The following MTRFR variants were observed in gnomAD, a reference collection of about 807,000 sequenced individuals.
MTRFR encodes the protein probable peptide chain release factor C12orf65, mitochondrial.
In MTRFR, 10 loss-of-function variants were observed where a neutral mutation model predicts 11.9. That is an observed-to-expected ratio of 0.84 (90% confidence interval 0.52 to 1.42). MTRFR has a LOEUF of 1.42. MTRFR is among the 40% of genes most tolerant of loss of function. The probability of loss-of-function intolerance (pLI) is 0.00; values close to 1 mark genes in which losing one functional copy is unlikely to be tolerated. For synonymous variants in MTRFR, 77 were observed against 79.1 expected (o/e 0.97, Z 0.14); for missense variants, 196 against 197.9 (o/e 0.99, Z 0.06).
chr12:123,245,266 C>G (rs945754008), intron 1 of MTRFR, among the ~76,000 whole-genome samples: 4 of 152,130 alleles, frequency 2.6e-5, no homozygotes, highest in African/African-American at 9.7e-5. Context: ...CAGTACCACG[C>G]TGTTTTGGTG....
intron 1 of MTRFR, among the ~76,000 whole-genome samples, chr12:123,246,498 G>A (rs2048042280): frequency 1.3e-5 from 1 of 78,838 alleles, no homozygotes; most frequent in Admixed American, 1.5e-4. Flanking sequence ...TTGTGCCCAG[G>A]CTGGAGTGCA....
At chr12:123,240,823 T>G (rs1489257520) in intron 1 of MTRFR, 2 of 142,802 alleles carry the variant, frequency 1.4e-5, no homozygotes, top group African/African-American at 5.3e-5. Context: ...AACCTCCGAC[T>G]CCCGAGTTGA....
Position 123,253,873 on chromosome 12 carries a change from G to GGA in MTRFR, c.200_201dup (p.His68AspfsTer18), listed in dbSNP as rs2048147553. On this transcript the variant is annotated frameshift_variant, in exon 2 of 3. Coordinates refer to ENST00000253233, the MANE Select transcript of MTRFR (RefSeq NM_152269.5). LOFTEE classifies it high-confidence loss of function. ...TGAACTCGAAGAGCAGTTTGTGAAA[G>GGA]GACACGGTCCAGGGGGCCAGGCAAC... The GGA allele has an allele frequency of 6.2e-7, 1 of 1,614,082 alleles. No individual in the cohort carries two copies. Among genetic ancestry groups the GGA allele is most frequent in the Non-Finnish European group, 8.5e-7 (1 of 1,180,044 alleles).
upstream of MTRFR, chr12:123,232,916 C>T (rs2047728539): frequency 6.6e-6 from 1 of 152,376 alleles, no homozygotes; most frequent in Non-Finnish European, 1.5e-5. Context: ...GCAGAGCTCC[C>T]ACACGCCGAA....
At chr12:123,252,346 G>A (rs56910713) in intron 1 of MTRFR, 5,441 of 151,850 alleles carry the variant, frequency 0.036, 307 homozygotes, top group African/African-American at 0.12. Flanking sequence ...TGACAGAATC[G>A]CCTGACCCTG....
At chr12:123,236,348 CTT>C (rs1401781275) in intron 1 of MTRFR, among the ~76,000 whole-genome samples, 1 of 152,020 alleles carries the variant, frequency 6.6e-6, no homozygotes, top group Non-Finnish European at 1.5e-5. Flanking sequence ...AATCCCATCA[CTT>C]TGGGAGGCTG....
chr12:123,256,750 C>T, intron 2 of MTRFR, 63 bp from the exon 3 acceptor site: 2 of 1,273,182 alleles, frequency 1.6e-6, no homozygotes, highest in Non-Finnish European at 2.3e-6. Flanking sequence ...TTAATGACTT[C>T]TGAGGTCCTG....
intron 2 of MTRFR, among the ~76,000 whole-genome samples, chr12:123,255,743 G>C (rs972748445): frequency 1.3e-5 from 2 of 152,190 alleles, no homozygotes; most frequent in African/African-American, 4.8e-5. Context: ...TCCTGCCTCA[G>C]CCTCCCGAGT....
chr12:123,255,800 T>C (rs1446740829), intron 2 of MTRFR, among the ~76,000 whole-genome samples: 1 of 152,174 alleles, frequency 6.6e-6, no homozygotes, highest in Non-Finnish European at 1.5e-5. Context: ...AATTTTTTTG[T>C]ATTTTTACTA....
intron 1 of MTRFR, chr12:123,233,797 T>G (rs1263471333): frequency 6.6e-6 from 1 of 152,612 alleles, no homozygotes; most frequent in Admixed American, 6.5e-5. Flanking sequence ...GAGGAGAGAC[T>G]ACCGTCCTGG....
chr12:123,252,291 G>C (rs2048122722), intron 1 of MTRFR: 1 of 152,114 alleles, frequency 6.6e-6, no homozygotes, highest in Admixed American at 6.6e-5. Flanking sequence ...TTACTCAGAT[G>C]TGGTGGTGTC....
At chr12:123,251,352 A>G (rs1333378022) in intron 1 of MTRFR, 1 of 152,300 alleles carries the variant, frequency 6.6e-6, no homozygotes, top group African/African-American at 2.4e-5. Flanking sequence ...AGTTCTGGCC[A>G]GGAGGCTTCT....
rs71085872 is a variant in MTRFR, at chr12:123,253,070, A to ATTTTTTT, written c.-28-546_-28-540dup. On this transcript the variant is annotated intron_variant, in intron 1 of 2. Transcript: ENST00000253233. ...ATCAAATTACAGTCCGTTCCTTTGA[A>ATTTTTTT]TTTTTTTTTTTTTTTTTTTTTTTTT... Among the ~76,000 whole-genome samples the ATTTTTTT allele has an allele frequency of 5.2e-4, 18 of 34,844 alleles. 8 individuals carry two copies. In the East Asian group the frequency reaches 0.011, roughly 21 times the overall value. 22.9% of individuals were successfully genotyped at this position (34,844 alleles called of 152,430 possible).
At chr12:123,234,901 T>G (rs141143950) in intron 1 of MTRFR, among the ~76,000 whole-genome samples, 93 of 152,328 alleles carry the variant, frequency 6.1e-4, no homozygotes, top group Middle Eastern at 3.4e-3. Flanking sequence ...AGACCAGAAT[T>G]ATGATCCCAC....
chr12:123,239,097 C>T (rs2047892262), intron 1 of MTRFR, among the ~76,000 whole-genome samples: 1 of 152,224 alleles, frequency 6.6e-6, no homozygotes, highest in East Asian at 1.9e-4. Flanking sequence ...GGTGAAACCC[C>T]GTCTCTACAA....
intron 1 of MTRFR, among the ~76,000 whole-genome samples, chr12:123,239,055 G>C (rs2047891932): frequency 6.6e-6 from 1 of 152,210 alleles, no homozygotes; most frequent in South Asian, 2.1e-4. Flanking sequence ...CAGATCGCTT[G>C]AGTTTGAGTT....
At chr12:123,240,284 G>A (rs1175949139) in intron 1 of MTRFR, among the ~76,000 whole-genome samples, 1 of 151,144 alleles carries the variant, frequency 6.6e-6, no homozygotes, top group Non-Finnish European at 1.5e-5. Flanking sequence ...TGAGGCAGGA[G>A]AATTGCTAGA....
At chr12:123,245,396 T>G (rs2048025256) in intron 1 of MTRFR, among the ~76,000 whole-genome samples, 4 of 152,194 alleles carry the variant, frequency 2.6e-5, no homozygotes, top group Admixed American at 2.6e-4. Context: ...ATTTTAGATT[T>G]TTTTTTCTAA....
At chr12:123,253,070 A>AAT (rs2048134373) in intron 1 of MTRFR, among the ~76,000 whole-genome samples, 1 of 34,814 alleles carries the variant, frequency 2.9e-5, no homozygotes, top group East Asian at 1.5e-3. Context: ...GTTCCTTTGA[A>AAT]TTTTTTTTTT....
Sources: allele counts gnomAD v4.1 joint callset (sites outside exome capture counted in the v4.1 genomes callset), GRCh38; gene constraint gnomAD v4.1.1; transcripts MANE v1.5; gene names NCBI Gene and HGNC (gene_info 2026-07-23, HGNC 2026-07-21).